Variants in ZNF558 observed in about 807,000 individuals in gnomAD.
ZNF558 encodes the protein zinc finger protein 558.
Under a neutral mutation model 37.6 loss-of-function variants are expected in ZNF558, and 23 were observed. The ratio of observed to expected loss-of-function variants is 0.61; its 90% confidence interval spans 0.44 to 0.87. The LOEUF (loss-of-function observed/expected upper bound fraction) is 0.87, where lower values mean the gene tolerates loss of function less well. Ranked by LOEUF, ZNF558 falls within the 40% of genes least tolerant of loss-of-function variation. ZNF558 has a pLI of 0.00. For missense variants in ZNF558, 429 were observed against 483.7 expected (o/e 0.89, Z 1.06); for synonymous variants, 189 against 174.4 (o/e 1.08, Z -0.66).
At chr19:8,827,519 A>AT (rs2044258255) in intron 2 of ZNF558, among the ~76,000 whole-genome samples, 1 of 144,400 alleles carries the variant, frequency 6.9e-6, no homozygotes, top group African/African-American at 2.5e-5. Context: ...GAGGCCTAGT[A>AT]TGGTTCTGCC....
chr19:8,831,551 T>C (rs547787004), intron 1 of ZNF558, 150 bp from the exon 2 acceptor site: 7 of 152,368 alleles, frequency 4.6e-5, no homozygotes, highest in African/African-American at 1.7e-4. Context: ...CTGTGGGCCA[T>C]GACTGGCTTT....
chr19:8,818,417 A>G (rs1325565889), intron 7 of ZNF558, among the ~76,000 whole-genome samples: 5 of 152,162 alleles, frequency 3.3e-5, no homozygotes, highest in Non-Finnish European at 5.9e-5. Flanking sequence ...GCACCACTGC[A>G]CTCCAGCCTG....
chr19:8,813,337 TA>T, intron 7 of ZNF558, 115 bp from the exon 8 acceptor site: 2 of 754,720 alleles, frequency 2.6e-6, no homozygotes, highest in East Asian at 5.5e-5. Context: ...AGCAGTGAAA[TA>T]AATTATGCCT....
chr19:8,833,331 A>T (rs533571040), upstream of ZNF558: 1 of 152,208 alleles, frequency 6.6e-6, no homozygotes, highest in Non-Finnish European at 1.5e-5. Flanking sequence ...GGAGCAGGAG[A>T]GGACTGGGTC....
upstream of ZNF558, among the ~76,000 whole-genome samples, chr19:8,835,936 A>G (rs1363483696): frequency 6.6e-6 from 1 of 152,224 alleles, no homozygotes; most frequent in African/African-American, 2.4e-5. Context: ...TGTATAATTC[A>G]ATTTAAATAA....
chr19:8,814,597 G>C (rs2043883798), intron 7 of ZNF558, among the ~76,000 whole-genome samples: 1 of 152,108 alleles, frequency 6.6e-6, no homozygotes, highest in Admixed American at 6.5e-5. Flanking sequence ...GAAAATACCT[G>C]AGAAGGCACA....
At chr19:8,818,555 GTTT>G (rs200890387) in intron 7 of ZNF558, among the ~76,000 whole-genome samples, 1 of 151,996 alleles carries the variant, frequency 6.6e-6, no homozygotes, top group Non-Finnish European at 1.5e-5. Context: ...AAAATTCTGA[GTTT>G]TTTTTCCTTT....
intron 7 of ZNF558, among the ~76,000 whole-genome samples, chr19:8,818,917 T>G (rs1349419575): frequency 6.6e-6 from 1 of 152,176 alleles, no homozygotes; most frequent in Non-Finnish European, 1.5e-5. Flanking sequence ...GGTACCAAGG[T>G]CATTTGATGG....
At position 8,811,615 on chromosome 19, in the gene ZNF558, T is replaced by G. The variant is rs782070617; in HGVS notation, c.875A>C (p.Tyr292Ser). Residue 292 changes from tyrosine (Y) to serine (S), a missense_variant, in exon 10 of 10, where the codon TAT (tyrosine) becomes TCT (serine). Physicochemically the swap from Tyr to Ser is moderately radical, Grantham distance 144. Coordinates refer to ENST00000601372, the MANE Select transcript of ZNF558 (RefSeq NM_144693.3). Reference sequence around the variant, plus strand: ...GGTTTTCCCACAATCGTGACATTCATAAGGTTTCTCCCCTGTATGAATGCT... The same window carrying G: ...GGTTTTCCCACAATCGTGACATTCAGAAGGTTTCTCCCCTGTATGAATGCT... The part of the protein sequence containing the change: ...HNSIHTGEKP[Y>S]ECHDCGKTFR... 4 of 1,614,182 alleles carry G rather than the reference T, an allele frequency of 2.5e-6. No homozygotes were observed. The highest frequency in any genetic ancestry group is 3.4e-6 in the Non-Finnish European group (4 of 1,180,026).
Position 8,811,531 on chromosome 19 carries a change from T to C in ZNF558, c.959A>G (p.Tyr320Cys), listed in dbSNP as rs781814714. ...HVRTHTGEKP[Y>C]ECNECGKSFS... ...GGATTTCCCACACTCGTTACATTCA[T>C]AGGGTTTTTCTCCAGTATGAGTTCT... is the stretch of plus-strand genomic sequence containing the variant. Residue 320 changes from tyrosine to cysteine, a missense_variant, in exon 10 of 10, where the codon TAT becomes TGT. Transcript: ENST00000601372. 2 of 1,614,084 alleles carry C rather than the reference T, an allele frequency of 1.2e-6. No homozygotes were observed. The highest frequency in any genetic ancestry group is 1.3e-5 in the African/African-American group (1 of 74,952).
chr19:8,809,680 A>C lies in ZNF558; in HGVS notation c.*1601T>G, dbSNP rs1555767034. The C allele has an allele frequency of 6.6e-6, 1 of 150,556 alleles. No homozygotes were observed. The highest frequency in any genetic ancestry group is 1.9e-4 in the East Asian group (1 of 5,204). 9.3% of individuals were successfully genotyped at this position (150,556 alleles called of 1,614,324 possible). Reference sequence around the variant, plus strand: ...ATGTGTGGATGTCTTTAACAAGCAAATTAATTATAATAAATACATTGCATT... The same window carrying C: ...ATGTGTGGATGTCTTTAACAAGCAACTTAATTATAATAAATACATTGCATT... On this transcript the variant is annotated 3_prime_UTR_variant, in exon 10 of 10. Coordinates refer to ENST00000601372, the MANE Select transcript of ZNF558 (RefSeq NM_144693.3).
In ZNF558 at chr19:8,811,604, C is replaced by T. The variant is rs782147630; in HGVS notation, c.886G>A (p.Asp296Asn). The T allele has an allele frequency of 1.4e-5, 23 of 1,613,868 alleles. No homozygotes were observed. Among genetic ancestry groups the T allele is most frequent in the African/African-American group, 6.7e-5 (5 of 74,856 alleles). ...CTCTTCCTGAAGGTTTTCCCACAAT[C>T]GTGACATTCATAAGGTTTCTCCCCT... The part of the protein sequence containing the change: ...HTGEKPYECH[D>N]CGKTFRKSSY... The change falls in exon 10 of 10, where the codon GAT becomes AAT. Residue 296 changes from aspartate to asparagine, a missense_variant. Coordinates refer to ENST00000601372, the MANE Select transcript of ZNF558 (RefSeq NM_144693.3).
rs1446219057 is a variant in ZNF558, at chr19:8,808,254, G to A, written c.*3027C>T. 6.6e-6 allele frequency: 1 copy of A among 152,084 alleles called. No individual in the cohort carries two copies. Among genetic ancestry groups the A allele is most frequent in the African/African-American group, 2.4e-5 (1 of 41,390 alleles). The allele number at this position is 152,084 out of a possible 1,614,324, so 9.4% of individuals were successfully genotyped here. A position where few individuals can be genotyped will look rare whatever the true frequency, so the allele number is the denominator to read the frequency against. On this transcript the variant is annotated 3_prime_UTR_variant, in exon 10 of 10. Transcript: ENST00000601372. ...ACCTGGGAGGCCAAGGTTGCAGTGA[G>A]CCGAGATCGCACCATTGCACTCCAC...
At chr19:8,823,828 C>G (rs1405877802) in intron 4 of ZNF558, 2 of 152,396 alleles carry the variant, frequency 1.3e-5, no homozygotes, top group Non-Finnish European at 2.9e-5. Flanking sequence ...GGCAGACCAC[C>G]CTGTGCAAAG....
chr19:8,812,083 T>C lies in ZNF558; in HGVS notation c.427-20A>G, dbSNP rs372801890. On this transcript the variant is annotated intron_variant, in intron 9 of 9. Coordinates refer to ENST00000601372, the MANE Select transcript of ZNF558 (RefSeq NM_144693.3). ...TCTTTCCTGTGGATTAAGAGATGAA[T>C]GATAACTATAATTTATAATATTTGA... The C allele has an allele frequency of 4.0e-6, 6 of 1,512,108 alleles. No homozygotes were observed. The African/African-American group carries it at 7.0e-5, about 18-fold the overall frequency. The allele number at this position is 1,512,108 out of a possible 1,614,324, so 93.7% of individuals were successfully genotyped here.
upstream of ZNF558, among the ~76,000 whole-genome samples, chr19:8,834,689 T>C (rs370054768): frequency 3.4e-5 from 5 of 148,882 alleles, no homozygotes; most frequent in East Asian, 7.8e-4. Flanking sequence ...AGAATGAAAT[T>C]GGACCTCTAC....
rs375240787 is a variant in ZNF558, at chr19:8,809,099, A to T, written c.*2182T>A. 6.6e-6 allele frequency: 1 copy of T among 152,238 alleles called. No homozygotes were observed. Among genetic ancestry groups the T allele is most frequent in the Non-Finnish European group, 1.5e-5 (1 of 68,060 alleles). The allele number at this position is 152,238 out of a possible 1,614,324, so 9.4% of individuals were successfully genotyped here. A position where few individuals can be genotyped will look rare whatever the true frequency, so the allele number is the denominator to read the frequency against. On this transcript the variant is annotated 3_prime_UTR_variant, in exon 10 of 10. Coordinates refer to ENST00000601372, the MANE Select transcript of ZNF558 (RefSeq NM_144693.3). ...CAGCCTAGGGGTTTCTTTTAGTCAC[A>T]TAAGAAGTATAAGAATAAGGAGTCC...
At chr19:8,818,139 C>A (rs1426506405) in intron 7 of ZNF558, among the ~76,000 whole-genome samples, 1 of 152,086 alleles carries the variant, frequency 6.6e-6, no homozygotes, top group South Asian at 2.1e-4. Flanking sequence ...TCTTCCTTAA[C>A]CACAATGGAA....
rs1390926693 is a variant in ZNF558, at chr19:8,809,460, A to C, written c.*1821T>G. ...TTTGTTTCTTTAAACGAATAAACTG[A>C]AGAGAACGGACACTGGGAAAGAAAC... On this transcript the variant is annotated 3_prime_UTR_variant, in exon 10 of 10. Coordinates refer to ENST00000601372, the MANE Select transcript of ZNF558 (RefSeq NM_144693.3). The C allele has an allele frequency of 6.6e-6, 1 of 152,230 alleles. No individual in the cohort carries two copies. The highest frequency in any genetic ancestry group is 1.5e-5 in the Non-Finnish European group (1 of 68,048). The allele number at this position is 152,230 out of a possible 1,614,324, so 9.4% of individuals were successfully genotyped here.
Sources: gnomAD v4.1 joint callset for allele counts (sites outside exome capture counted in the v4.1 genomes callset) on GRCh38, gnomAD v4.1.1 for gene constraint, MANE v1.5 for transcripts, NCBI Gene and HGNC (gene_info 2026-07-23, HGNC 2026-07-21) for gene names.